CTNNA2: variants seen among roughly 807,000 people sequenced by gnomAD.
CTNNA2 encodes catenin alpha 2.
CTNNA2 carries 42 observed loss-of-function variants against 101.0 expected under a neutral mutation model. That is an observed-to-expected ratio of 0.42 (90% CI 0.32 to 0.54). The LOEUF is 0.54. CTNNA2 is among the 20% of genes least tolerant of loss of function. The pLI, the probability that CTNNA2 is intolerant of heterozygous loss-of-function variation, is 0.14. For synonymous variants in CTNNA2, 450 were observed against 456.4 expected (o/e 0.99, Z 0.18); for missense variants, 871 against 1,223.1 (o/e 0.71, Z 4.29).
chr2:79,678,162 C>T (rs1511184), intron 2 of CTNNA2, among the ~76,000 whole-genome samples: 3,007 of 152,220 alleles, frequency 0.02, 80 homozygotes, highest in Admixed American at 0.067. Flanking sequence ...CGTAAATTGC[C>T]TGATTATGAG....
intron 7 of CTNNA2, among the ~76,000 whole-genome samples, chr2:79,947,113 T>G (rs1015361617): frequency 6.6e-6 from 1 of 152,242 alleles, no homozygotes; most frequent in Non-Finnish European, 1.5e-5. Context: ...CTTTAAATCC[T>G]ACATAAGAAG....
At chr2:79,968,418 A>G (rs1478878798) in intron 7 of CTNNA2, among the ~76,000 whole-genome samples, 1 of 152,192 alleles carries the variant, frequency 6.6e-6, no homozygotes, top group Admixed American at 6.5e-5. Flanking sequence ...AGTGGTGGCT[A>G]TGAACCCAGG....
intron 7 of CTNNA2, among the ~76,000 whole-genome samples, chr2:79,937,556 G>A (rs750622825): frequency 1.3e-5 from 2 of 152,028 alleles, no homozygotes; most frequent in Non-Finnish European, 2.9e-5. Context: ...AAGGCTAATG[G>A]TATATTACTA....
chr2:80,568,326 G>C (rs889349162), intron 12 of CTNNA2, among the ~76,000 whole-genome samples: 1 of 152,190 alleles, frequency 6.6e-6, no homozygotes, highest in Non-Finnish European at 1.5e-5. Context: ...TGAAATACTG[G>C]ATGACAAAGG....
At chr2:80,567,507 T>C (rs894213536) in intron 12 of CTNNA2, among the ~76,000 whole-genome samples, 1 of 152,138 alleles carries the variant, frequency 6.6e-6, no homozygotes, top group African/African-American at 2.4e-5. Context: ...GTAGTTGATA[T>C]CACACTCTCT....
At chr2:80,081,901 G>A (rs1242222435) in intron 7 of CTNNA2, among the ~76,000 whole-genome samples, 1 of 152,116 alleles carries the variant, frequency 6.6e-6, no homozygotes, top group Non-Finnish European at 1.5e-5. Context: ...CATATTTGAA[G>A]ATTGATTATT....
chr2:79,315,243 A>C (rs913040975), intron 3 of CTNNA2, among the ~76,000 whole-genome samples: 2 of 152,188 alleles, frequency 1.3e-5, no homozygotes, highest in Non-Finnish European at 2.9e-5. Flanking sequence ...TAATAGATTT[A>C]TTGAGATATA....
intron 2 of CTNNA2, among the ~76,000 whole-genome samples, chr2:79,734,763 C>CA: frequency 6.6e-6 from 1 of 151,926 alleles, no homozygotes; most frequent in Middle Eastern, 3.4e-3. Flanking sequence ...GAAGTCAGTA[C>CA]AAAAAGGAAA....
chr2:79,573,320 C>G (rs1295932828), intron 1 of CTNNA2, among the ~76,000 whole-genome samples: 2 of 152,190 alleles, frequency 1.3e-5, no homozygotes, highest in Non-Finnish European at 2.9e-5. Flanking sequence ...CAACACATAT[C>G]TTACTGGTAA....
At chr2:80,308,282 G>A (rs960961422) in intron 7 of CTNNA2, among the ~76,000 whole-genome samples, 15 of 152,166 alleles carry the variant, frequency 9.9e-5, no homozygotes, top group Non-Finnish European at 1.5e-4. Context: ...TGCATTCTGG[G>A]GATTGGCTTT....
At chr2:80,378,817 TG>T (rs1676232656) in intron 7 of CTNNA2, 1 of 152,176 alleles carries the variant, frequency 6.6e-6, no homozygotes, top group Non-Finnish European at 1.5e-5. Flanking sequence ...TGAGACCACT[TG>T]GTGCCAGCTT....
chr2:80,164,134 A>C (rs1704511717), intron 7 of CTNNA2, among the ~76,000 whole-genome samples: 1 of 151,804 alleles, frequency 6.6e-6, no homozygotes, highest in Non-Finnish European at 1.5e-5. Context: ...TGGCATATTT[A>C]GGTTATTTGC....
intron 7 of CTNNA2, among the ~76,000 whole-genome samples, chr2:80,265,639 G>A (rs1297335552): frequency 1.3e-5 from 2 of 152,038 alleles, no homozygotes; most frequent in African/African-American, 4.8e-5. Flanking sequence ...ATCCCTTATT[G>A]AGCCAAAACA....
chr2:80,131,714 T>C (rs1702424161), intron 7 of CTNNA2, among the ~76,000 whole-genome samples: 1 of 152,180 alleles, frequency 6.6e-6, no homozygotes, highest in East Asian at 1.9e-4. Context: ...ATTATTAAAC[T>C]TGTACATACA....
intron 3 of CTNNA2, among the ~76,000 whole-genome samples, chr2:79,790,695 T>A (rs1188216120): frequency 6.6e-6 from 1 of 152,208 alleles, no homozygotes; most frequent in Non-Finnish European, 1.5e-5. Context: ...GGCTACCAGT[T>A]ATACCTATCA....
intron 7 of CTNNA2, among the ~76,000 whole-genome samples, chr2:80,129,657 G>A (rs977199946): frequency 6.6e-6 from 1 of 152,168 alleles, no homozygotes; most frequent in Non-Finnish European, 1.5e-5. Context: ...TAACTGGTAC[G>A]CATATAAGAT....
chr2:80,397,346 C>T (rs1678107143), intron 8 of CTNNA2, among the ~76,000 whole-genome samples: 1 of 152,190 alleles, frequency 6.6e-6, no homozygotes, highest in Non-Finnish European at 1.5e-5. Flanking sequence ...AAAAGATTGT[C>T]ACCATGCTCA....
intron 7 of CTNNA2, among the ~76,000 whole-genome samples, chr2:80,217,751 C>A (rs1204115860): frequency 1.3e-5 from 2 of 152,100 alleles, no homozygotes; most frequent in South Asian, 2.1e-4. Context: ...AATGCAGAAC[C>A]CAGGCTAGTA....
At chr2:79,707,957 C>T (rs543872271) in intron 2 of CTNNA2, among the ~76,000 whole-genome samples, 15 of 152,300 alleles carry the variant, frequency 9.8e-5, no homozygotes, top group African/African-American at 3.1e-4. Flanking sequence ...TGGAGGTTTA[C>T]CATGTCAATT....
Sources: gnomAD v4.1 joint callset for allele counts (sites outside exome capture counted in the v4.1 genomes callset) on GRCh38, gnomAD v4.1.1 for gene constraint, MANE v1.5 for transcripts, NCBI Gene and HGNC (gene_info 2026-07-23, HGNC 2026-07-21) for gene names.